PDLIM1: variants seen among roughly 807,000 people sequenced by gnomAD.
PDLIM1 encodes the protein PDZ and LIM domain 1.
A neutral mutation model predicts 35.2 loss-of-function variants in PDLIM1; 25 were observed. The ratio of observed to expected loss-of-function variants is 0.71; its 90% CI spans 0.52 to 0.99. The LOEUF is 0.99. PDLIM1 is among the 50% of genes least tolerant of loss of function. PDLIM1 has a pLI of 0.00. For missense variants in PDLIM1, 363 were observed against 415.3 expected (o/e 0.87, Z 1.09); for synonymous variants, 152 against 154.0 (o/e 0.99, Z 0.10).
At chr10:95,261,979 G>A (rs1179391253) in intron 4 of PDLIM1, among the ~76,000 whole-genome samples, 1 of 149,826 alleles carries the variant, frequency 6.7e-6, no homozygotes, top group African/African-American at 2.5e-5. Context: ...TTGCACTCTA[G>A]CCTAGGCAAC....
chr10:95,290,462 G>A lies in PDLIM1; in HGVS notation c.96+358C>T, dbSNP rs536427884. Among the ~76,000 whole-genome samples, 36 of 152,020 alleles carry A rather than the reference G, an allele frequency of 2.4e-4. No homozygotes were observed. Among genetic ancestry groups the A allele is most frequent in the African/African-American group, 8.7e-4 (36 of 41,458 alleles). On this transcript the variant is annotated intron_variant, in intron 1 of 6. Transcript: ENST00000329399. This position sits in a 1 kb window ranked among gnomAD's most constrained non-coding sequence, Gnocchi z 4.7. Reference sequence around the variant, plus strand: ...TGCACTGCGATCTGGGAAGAAGGGAGAAGTGCCATCTCCCAGCGCGCGGGA... The same window carrying A: ...TGCACTGCGATCTGGGAAGAAGGGAAAAGTGCCATCTCCCAGCGCGCGGGA...
chr10:95,245,178 G>A (rs1453095129), intron 5 of PDLIM1, among the ~76,000 whole-genome samples: 1 of 152,188 alleles, frequency 6.6e-6, no homozygotes, highest in Non-Finnish European at 1.5e-5. Context: ...TTAACTAGGT[G>A]TAGCCAGGTG....
intron 6 of PDLIM1, 22 bp downstream of exon 6, chr10:95,238,546 G>T: frequency 7.1e-7 from 1 of 1,399,800 alleles, no homozygotes; most frequent in Non-Finnish European, 1.0e-6. Context: ...GTCTGCAAAG[G>T]CTGTGGGAAG....
At chr10:95,263,754 T>A (rs763610030) in intron 4 of PDLIM1, 110 bp downstream of exon 4, 4 of 705,456 alleles carry the variant, frequency 5.7e-6, no homozygotes, top group African/African-American at 1.8e-5. Flanking sequence ...GCTAATGTAG[T>A]CATTTTTCTC....
intron 4 of PDLIM1, among the ~76,000 whole-genome samples, chr10:95,257,038 G>GAAAGAAAGAAAGAAAGAAAAAAAA (rs1440640324): frequency 7.7e-6 from 1 of 129,774 alleles, no homozygotes; most frequent in Non-Finnish European, 1.6e-5. Flanking sequence ...AAGAAAGAAA[G>GAAAGAAAGAAAGAAAGAAAAAAAA]AATTCAAAAT....
chr10:95,237,788 G>A lies in PDLIM1; in HGVS notation c.*137C>T, dbSNP rs1010629490. ...TGGTGTGAGTCAATTAACCAAGGCA[G>A]GGAGGGGACTCAATGTTTTACAAGC... On this transcript the variant is annotated 3_prime_UTR_variant, in exon 7 of 7. Coordinates refer to ENST00000329399, the MANE Select transcript of PDLIM1 (RefSeq NM_020992.4). 31 of 671,276 alleles carry A rather than the reference G, an allele frequency of 4.6e-5. No homozygotes were observed. Among genetic ancestry groups the A allele is most frequent in the Non-Finnish European group, 6.8e-5 (27 of 395,190 alleles). The allele number at this position is 671,276 out of a possible 1,614,324, so 41.6% of individuals were successfully genotyped here. A position where few individuals can be genotyped will look rare whatever the true frequency, so the allele number is the denominator to read the frequency against.
In PDLIM1 at chr10:95,237,794, G is replaced by T; in HGVS notation, c.*131C>A. ...GAGTCAATTAACCAAGGCAGGGAGGGGACTCAATGTTTTACAAGCAGAGGG... is the reference window on the plus strand; with the variant it reads ...GAGTCAATTAACCAAGGCAGGGAGGTGACTCAATGTTTTACAAGCAGAGGG... On this transcript the variant is annotated 3_prime_UTR_variant, in exon 7 of 7. Transcript: ENST00000329399. 1 of 691,212 alleles carries T rather than the reference G, an allele frequency of 1.4e-6. No individual in the cohort carries two copies. Among genetic ancestry groups the T allele is most frequent in the East Asian group, 2.7e-5 (1 of 36,708 alleles). The allele number at this position is 691,212 out of a possible 1,614,324, so 42.8% of individuals were successfully genotyped here. A position where few individuals can be genotyped will look rare whatever the true frequency, so the allele number is the denominator to read the frequency against.
intron 5 of PDLIM1, among the ~76,000 whole-genome samples, chr10:95,239,700 G>T (rs185871534): frequency 6.6e-6 from 1 of 152,272 alleles, no homozygotes; most frequent in Non-Finnish European, 1.5e-5. Flanking sequence ...GGAGGCTGAG[G>T]CAAGAGAATC....
At chr10:95,282,220 A>G (rs2035567005) in intron 1 of PDLIM1, among the ~76,000 whole-genome samples, 1 of 152,250 alleles carries the variant, frequency 6.6e-6, no homozygotes, top group Non-Finnish European at 1.5e-5. Context: ...GGGATAAAGC[A>G]GGACCCAGCT....
At chr10:95,238,494 T>C in intron 6 of PDLIM1, 74 bp downstream of exon 6, 2 of 950,844 alleles carry the variant, frequency 2.1e-6, no homozygotes, top group South Asian at 2.6e-5. Context: ...ATGTGCAACA[T>C]CCAGCACTTT....
intron 4 of PDLIM1, among the ~76,000 whole-genome samples, chr10:95,260,576 C>A (rs1589511849): frequency 6.6e-6 from 1 of 152,198 alleles, no homozygotes; most frequent in Non-Finnish European, 1.5e-5. Flanking sequence ...AGCAGAGAAA[C>A]CCCCTCACCT....
intron 1 of PDLIM1, among the ~76,000 whole-genome samples, chr10:95,274,319 GT>G (rs1408009495): frequency 6.9e-6 from 1 of 144,948 alleles, no homozygotes; most frequent in African/African-American, 2.6e-5. Flanking sequence ...TTGAGACGGA[GT>G]TTCGCTCTTG....
chr10:95,238,965 C>G, intron 5 of PDLIM1: 1 of 315,268 alleles, frequency 3.2e-6, no homozygotes. Flanking sequence ...CAAATTCAAA[C>G]TATATTACAA....
At chr10:95,238,470 C>A in intron 6 of PDLIM1, 98 bp downstream of exon 6, 1 of 811,580 alleles carries the variant, frequency 1.2e-6, no homozygotes. Context: ...GGATTTGTCT[C>A]CCTCACAAGC....
At chr10:95,260,215 A>C (rs2035348723) in intron 4 of PDLIM1, among the ~76,000 whole-genome samples, 1 of 152,214 alleles carries the variant, frequency 6.6e-6, no homozygotes, top group South Asian at 2.1e-4. Flanking sequence ...CTTAGATCTC[A>C]GGAGACTGAG....
At chr10:95,257,486 T>C (rs190094598) in intron 4 of PDLIM1, among the ~76,000 whole-genome samples, 1 of 151,570 alleles carries the variant, frequency 6.6e-6, no homozygotes, top group Non-Finnish European at 1.5e-5. Context: ...AATAGCTCGA[T>C]TAAAAAATGA....
rs551458982 is a variant in PDLIM1 at position 95,288,895 on chromosome 10, C to A, written c.96+1925G>T. Among the ~76,000 whole-genome samples the A allele has an allele frequency of 2.0e-5, 3 of 152,300 alleles. 1 individual carries two copies. In the South Asian group the frequency reaches 6.2e-4, roughly 32 times the overall value. On this transcript the variant is annotated intron_variant, in intron 1 of 6. Transcript: ENST00000329399. ...GAGCTGTGCCCTCTCATTTCTGAGG[C>A]GTTTGCACAGTTTCTGGAATATGAT... is the stretch of plus-strand genomic sequence containing the variant.
chr10:95,242,612 G>A (rs1465566561), intron 5 of PDLIM1, among the ~76,000 whole-genome samples: 5 of 151,740 alleles, frequency 3.3e-5, no homozygotes, highest in Admixed American at 2.0e-4. Flanking sequence ...GCTTGAACCC[G>A]GGAGGCGGAG....
At chr10:95,263,668 C>T (rs1337890619) in intron 4 of PDLIM1, among the ~76,000 whole-genome samples, 196 bp downstream of exon 4, 1 of 152,208 alleles carries the variant, frequency 6.6e-6, no homozygotes, top group African/African-American at 2.4e-5. Flanking sequence ...TTAATTCTTA[C>T]TTTTACAGAC....
Sources: allele counts gnomAD v4.1 joint callset (sites outside exome capture counted in the v4.1 genomes callset), GRCh38; gene constraint gnomAD v4.1.1; non-coding constraint Gnocchi (gnomAD v3.1); transcripts MANE v1.5; gene names NCBI Gene and HGNC (gene_info 2026-07-23, HGNC 2026-07-21).